Variants in PIK3R6 observed in about 807,000 individuals in gnomAD.
PIK3R6 encodes phosphoinositide-3-kinase regulatory subunit 6, also known as phosphoinositide 3-kinase regulatory subunit 6.
A neutral mutation model predicts 84.9 loss-of-function variants in PIK3R6; 91 were observed. The observed-to-expected ratio is 1.07, with a 90% CI of 0.90 to 1.28. The LOEUF (loss-of-function observed/expected upper bound fraction) is 1.28. PIK3R6 is among the 50% of genes most tolerant of loss of function. PIK3R6 has a pLI of 0.00. For synonymous variants in PIK3R6, 416 were observed against 411.4 expected, an observed-to-expected ratio of 1.01 and a Z score of -0.13; for missense variants, 996 against 985.1, an observed-to-expected ratio of 1.01 and a Z score of -0.15.
chr17:8,829,197 A>C lies in PIK3R6; in HGVS notation c.890-207T>G, dbSNP rs554196640. On this transcript the variant is annotated intron_variant, in intron 10 of 19. Coordinates refer to ENST00000619866, the MANE Select transcript of PIK3R6 (RefSeq NM_001010855.4). ...TGTACAGACACAGACAGACATACAC[A>C]CACGTGCACACACACAGACACACAC... is the stretch of plus-strand genomic sequence containing the variant. Among the ~76,000 whole-genome samples the C allele has an allele frequency of 5.0e-3, 696 of 140,202 alleles. 5 individuals are homozygous for C. The highest frequency in any genetic ancestry group is 0.018 in the African/African-American group (668 of 36,492). 92.0% of individuals were successfully genotyped at this position (140,202 alleles called of 152,430 possible). A position where few individuals can be genotyped will look rare whatever the true frequency, so the allele number is the denominator to read the frequency against.
Position 8,803,589 on chromosome 17 carries a change from G to A in PIK3R6, c.2109-160C>T, listed in dbSNP as rs967162223. The A allele has an allele frequency of 6.9e-6, 5 of 719,998 alleles. No homozygotes were observed. The highest frequency in any genetic ancestry group is 1.1e-5 in the Non-Finnish European group (5 of 460,708). The allele number at this position is 719,998 out of a possible 1,614,324, so 44.6% of individuals were successfully genotyped here. A position where few individuals can be genotyped will look rare whatever the true frequency, so the allele number is the denominator to read the frequency against. ...AAAGAGGAAGAGTCAGGACAAGAAAGAAAAACCTGGGCCTGGGGTTCACCG... is the reference window on the plus strand; with the variant it reads ...AAAGAGGAAGAGTCAGGACAAGAAAAAAAAACCTGGGCCTGGGGTTCACCG... On this transcript the variant is annotated intron_variant, in intron 19 of 19. Transcript: ENST00000619866. This position sits in a 1 kb window ranked among gnomAD's most constrained non-coding sequence, Gnocchi z 5.0.
chr17:8,840,132 G>T (rs1396107848), intron 2 of PIK3R6, among the ~76,000 whole-genome samples: 1 of 140,966 alleles, frequency 7.1e-6, no homozygotes, highest in Non-Finnish European at 1.5e-5. Flanking sequence ...AAATATATAT[G>T]AAATATATAT....
intron 17 of PIK3R6, 115 bp downstream of exon 17, chr17:8,821,731 G>T: frequency 8.6e-7 from 1 of 1,156,252 alleles, no homozygotes; most frequent in Non-Finnish European, 1.2e-6. Context: ...TCCTGGTCCT[G>T]GCTCCAGTTC....
intron 4 of PIK3R6, chr17:8,838,273 C>T: frequency 2.2e-6 from 1 of 448,130 alleles, no homozygotes; most frequent in Non-Finnish European, 4.1e-6. Flanking sequence ...CGTCAATAGT[C>T]GTATATTTAT....
intron 1 of PIK3R6, among the ~76,000 whole-genome samples, chr17:8,856,430 C>T (rs1182044034): frequency 6.6e-6 from 1 of 152,122 alleles, no homozygotes; most frequent in South Asian, 2.1e-4. Flanking sequence ...GGTGGAACCA[C>T]GTCTCTAATA....
At chr17:8,825,116 G>A (rs529988629) in intron 13 of PIK3R6, among the ~76,000 whole-genome samples, 11 of 152,082 alleles carry the variant, frequency 7.2e-5, no homozygotes, top group Non-Finnish European at 7.3e-5. Flanking sequence ...TATCACACAC[G>A]AGTAATAAAT....
In PIK3R6 at chr17:8,802,951, TG is replaced by T; in HGVS notation, c.*321del. 1 of 285,330 alleles carries T rather than the reference TG, an allele frequency of 3.5e-6. No individual in the cohort carries two copies. Among genetic ancestry groups the T allele is most frequent in the Non-Finnish European group, 6.7e-6 (1 of 149,284 alleles). 17.7% of individuals were successfully genotyped at this position (285,330 alleles called of 1,614,324 possible). On this transcript the variant is annotated 3_prime_UTR_variant, in exon 20 of 20. Transcript: ENST00000619866. ...TTTAACCCTGGTTTTAAGGGCTGGATGGGGAGCTTGGGTGGGAGAGGACAGT... is the reference window on the plus strand; with the variant it reads ...TTTAACCCTGGTTTTAAGGGCTGGATGGGAGCTTGGGTGGGAGAGGACAGT...
At chr17:8,820,009 A>G (rs1353434446) in intron 17 of PIK3R6, among the ~76,000 whole-genome samples, 2 of 149,348 alleles carry the variant, frequency 1.3e-5, no homozygotes, top group East Asian at 1.9e-4. Context: ...GTGCAGTGGC[A>G]TGATCTCGGT....
At chr17:8,836,647 C>T in intron 6 of PIK3R6, 31 bp from the exon 7 acceptor site, 4 of 1,613,806 alleles carry the variant, frequency 2.5e-6, no homozygotes, top group African/African-American at 1.3e-5. Context: ...GCCAAACAGC[C>T]CCCAAGTCTC....
At chr17:8,840,643 A>G (rs2088647099) in intron 2 of PIK3R6, among the ~76,000 whole-genome samples, 1 of 147,936 alleles carries the variant, frequency 6.8e-6, no homozygotes, top group Admixed American at 6.8e-5. Flanking sequence ...TATGAAATAT[A>G]TATATCCTCC....
At chr17:8,838,858 C>T (rs2088575770) in intron 3 of PIK3R6, among the ~76,000 whole-genome samples, 1 of 151,388 alleles carries the variant, frequency 6.6e-6, no homozygotes, top group Non-Finnish European at 1.5e-5. Context: ...CCTTTGTGGA[C>T]AGTGAATTCC....
At chr17:8,816,596 G>A (rs1326389462) in intron 18 of PIK3R6, among the ~76,000 whole-genome samples, 1 of 152,162 alleles carries the variant, frequency 6.6e-6, no homozygotes, top group Non-Finnish European at 1.5e-5. Flanking sequence ...AGGGGTTAAT[G>A]TCCTCACACT....
At chr17:8,831,327 C>T (rs183816) in intron 9 of PIK3R6, among the ~76,000 whole-genome samples, 2 of 28,834 alleles carry the variant, frequency 6.9e-5, no homozygotes, top group African/African-American at 2.7e-4. Flanking sequence ...AAGACCCTGT[C>T]TAAAAAAAAA....
At chr17:8,851,631 A>G (rs1365234857) in intron 1 of PIK3R6, among the ~76,000 whole-genome samples, 1 of 152,238 alleles carries the variant, frequency 6.6e-6, no homozygotes, top group East Asian at 1.9e-4. Context: ...TCTGGGGCGC[A>G]GACTCTGGGA....
chr17:8,861,769 T>C (rs1221309326), intron 1 of PIK3R6, among the ~76,000 whole-genome samples: 2 of 152,218 alleles, frequency 1.3e-5, no homozygotes, highest in African/African-American at 4.8e-5. Flanking sequence ...AGGGGATGCC[T>C]AAGACCTCCA....
intron 16 of PIK3R6, among the ~76,000 whole-genome samples, chr17:8,822,225 T>C (rs1349739865): frequency 1.3e-5 from 2 of 152,024 alleles, no homozygotes; most frequent in Admixed American, 1.3e-4. Flanking sequence ...CCATAAGTGC[T>C]AGCAGATAAA....
intron 2 of PIK3R6, among the ~76,000 whole-genome samples, chr17:8,848,039 A>T (rs1477828446): frequency 6.6e-6 from 1 of 152,076 alleles, no homozygotes; most frequent in African/African-American, 2.4e-5. Context: ...CTGCCCAAGG[A>T]CTGATACTCT....
chr17:8,836,930 G>A lies in PIK3R6; in HGVS notation c.259-7C>T. The A allele has an allele frequency of 6.5e-7, 1 of 1,542,928 alleles. No individual in the cohort carries two copies. The highest frequency in any genetic ancestry group is 1.4e-5 in the African/African-American group (1 of 72,700). On this transcript the variant is annotated splice_polypyrimidine_tract_variant and splice_region_variant and intron_variant, in intron 5 of 19. Coordinates refer to ENST00000619866, the MANE Select transcript of PIK3R6 (RefSeq NM_001010855.4). ...CTTCTGTGATTCCTGTGGCCTGGGT[G>A]AGAGGGAGGAGGGGGAGGTGAGAGG...
At chr17:8,818,857 G>A (rs2087626735) in intron 18 of PIK3R6, among the ~76,000 whole-genome samples, 1 of 152,144 alleles carries the variant, frequency 6.6e-6, no homozygotes, top group African/African-American at 2.4e-5. Context: ...TGGAGGGCAG[G>A]GCTTTGACTC....
Sources: allele counts gnomAD v4.1 joint callset (sites outside exome capture counted in the v4.1 genomes callset), GRCh38; gene constraint gnomAD v4.1.1; non-coding constraint Gnocchi (gnomAD v3.1); transcripts MANE v1.5; gene names NCBI Gene and HGNC (gene_info 2026-07-23, HGNC 2026-07-21).